TBC1D19: variants seen among roughly 807,000 people sequenced by gnomAD.
TBC1D19 encodes TBC1 domain family member 19, also known as TBC1 domain family, member 19.
Under a neutral mutation model 89.0 loss-of-function variants are expected in TBC1D19, and 60 were observed. That is an observed-to-expected ratio of 0.67 (90% CI 0.55 to 0.84). The LOEUF (loss-of-function observed/expected upper bound fraction) is 0.84. Among genes scored for constraint, TBC1D19 ranks in the 40% least tolerant of loss-of-function variants. The pLI is 0.00. For missense variants in TBC1D19, 500 were observed against 610.8 expected (o/e 0.82, Z 1.91); for synonymous variants, 189 against 199.7 (o/e 0.95, Z 0.45).
the TBC1D19 span, among the ~76,000 whole-genome samples, chr4:26,806,848 A>G: frequency 6.6e-6 from 1 of 152,214 alleles, no homozygotes; most frequent in East Asian, 1.9e-4. Context: ...TAGTAACTGC[A>G]AGCTGAGGAA....
intron 18 of TBC1D19, among the ~76,000 whole-genome samples, chr4:26,746,227 G>A (rs964269319): frequency 4.2e-5 from 6 of 142,906 alleles, no homozygotes; most frequent in African/African-American, 1.5e-4. Flanking sequence ...GGTCCTTGCA[G>A]GTCTATTTTT....
chr4:26,719,802 C>G (rs982031237), intron 14 of TBC1D19, among the ~76,000 whole-genome samples: 2 of 152,042 alleles, frequency 1.3e-5, no homozygotes, highest in Non-Finnish European at 2.9e-5. Context: ...ATAGATACTT[C>G]TCTTCTTAAG....
chr4:26,774,608 T>A, the TBC1D19 span, among the ~76,000 whole-genome samples: 3 of 152,216 alleles, frequency 2.0e-5, no homozygotes, highest in Non-Finnish European at 4.4e-5. Flanking sequence ...ATTGTTATAC[T>A]ATATAGAAAT....
At chr4:26,683,413 CT>C (rs1411418537) in intron 11 of TBC1D19, among the ~76,000 whole-genome samples, 2 of 152,134 alleles carry the variant, frequency 1.3e-5, no homozygotes, top group African/African-American at 4.8e-5. Context: ...TTAATAAATA[CT>C]GTATTTGCTA....
the TBC1D19 span, among the ~76,000 whole-genome samples, chr4:26,778,078 G>A: frequency 6.7e-6 from 1 of 149,178 alleles, no homozygotes; most frequent in Non-Finnish European, 1.5e-5. Flanking sequence ...GAGGGGAAGG[G>A]AGGGGAGGGA....
chr4:26,618,893 A>G (rs1375679575), intron 3 of TBC1D19, among the ~76,000 whole-genome samples: 1 of 152,174 alleles, frequency 6.6e-6, no homozygotes, highest in Non-Finnish European at 1.5e-5. Flanking sequence ...ACAAGAAAAA[A>G]TAGAGTCAAG....
At chr4:26,580,075 A>G (rs575540816), upstream of TBC1D19, among the ~76,000 whole-genome samples, 19 of 152,184 alleles carry the variant, frequency 1.2e-4, no homozygotes, top group Non-Finnish European at 2.5e-4. Flanking sequence ...TCCCTTTTGC[A>G]TAGAGTCAAC....
At position 26,640,172 on chromosome 4, in the gene TBC1D19, T is replaced by A. The variant is rs1743402578; in HGVS notation, c.465T>A (p.Pro155=). The A allele has an allele frequency of 6.2e-7, 1 of 1,609,342 alleles. No individual in the cohort carries two copies. The highest frequency in any genetic ancestry group is 1.3e-5 in the African/African-American group (1 of 74,802). ...GCCTTTTCAGACCTGTTTATGCACCTAAGGATTTTCTTGAGGTAGGTTCTA... is the reference window on the plus strand; with the variant it reads ...GCCTTTTCAGACCTGTTTATGCACCAAAGGATTTTCTTGAGGTAGGTTCTA... ...DLSLFRPVYA[P]KDFLEVLINL... is the part of the protein sequence containing the mutation. The change falls in exon 7 of 21, where the codon CCT becomes CCA. Residue 155 remains proline, a synonymous_variant. Coordinates refer to ENST00000264866, the MANE Select transcript of TBC1D19 (RefSeq NM_018317.4).
the TBC1D19 span, among the ~76,000 whole-genome samples, chr4:26,797,746 C>T: frequency 6.6e-6 from 1 of 152,078 alleles, no homozygotes; most frequent in Non-Finnish European, 1.5e-5. Context: ...AGCCACATAC[C>T]TACATGTAAC....
chr4:26,677,166 C>T (rs543230734), intron 11 of TBC1D19, among the ~76,000 whole-genome samples: 17 of 152,208 alleles, frequency 1.1e-4, no homozygotes, highest in African/African-American at 3.4e-4. Context: ...TTGTATTACT[C>T]GATAATTATA....
Position 26,598,461 on chromosome 4 carries a change from C to G in TBC1D19, c.99+14169C>G, listed in dbSNP as rs567869947. Among the ~76,000 whole-genome samples, 3 of 152,264 alleles carry G rather than the reference C, an allele frequency of 2.0e-5. No homozygotes were observed. The East Asian group carries it at 5.8e-4, about 29-fold the overall frequency. On this transcript the variant is annotated intron_variant, in intron 1 of 20. Transcript: ENST00000264866. ...CCAGACTGGAGTGCAGAGGCACGAC[C>G]TTGGCTCACTGCAAGCTCCGCCTCC...
chr4:26,721,155 A>G (rs1418653555), intron 15 of TBC1D19, among the ~76,000 whole-genome samples: 1 of 151,908 alleles, frequency 6.6e-6, no homozygotes, highest in Non-Finnish European at 1.5e-5. Context: ...GATTCTATCT[A>G]TTGTTAATTA....
the TBC1D19 span, among the ~76,000 whole-genome samples, chr4:26,813,666 T>C: frequency 1.3e-5 from 2 of 152,208 alleles, no homozygotes; most frequent in Admixed American, 1.3e-4. Flanking sequence ...TATGTTTAAC[T>C]GAATTTTGTG....
chr4:26,756,935 C>T (rs776748520), downstream of TBC1D19, among the ~76,000 whole-genome samples: 15 of 152,144 alleles, frequency 9.9e-5, no homozygotes, highest in African/African-American at 1.7e-4. Context: ...TTGCTGCTTC[C>T]GCAGACCCCT....
At chr4:26,743,190 C>T (rs1408599542) in intron 18 of TBC1D19, among the ~76,000 whole-genome samples, 1 of 152,038 alleles carries the variant, frequency 6.6e-6, no homozygotes, top group Admixed American at 6.5e-5. Flanking sequence ...ATGTCTAAAG[C>T]AAGAGAACTT....
At chr4:26,723,392 G>A (rs1264288796) in intron 15 of TBC1D19, among the ~76,000 whole-genome samples, 1 of 152,112 alleles carries the variant, frequency 6.6e-6, no homozygotes, top group Admixed American at 6.6e-5. Context: ...CACCAAAACT[G>A]TTGTGGCTTT....
At chr4:26,725,082 A>C (rs1577988254) in intron 15 of TBC1D19, among the ~76,000 whole-genome samples, 1 of 152,270 alleles carries the variant, frequency 6.6e-6, no homozygotes, top group East Asian at 1.9e-4. Context: ...ACACAACCAC[A>C]ATATTTTGAT....
intron 19 of TBC1D19, among the ~76,000 whole-genome samples, chr4:26,750,616 C>G (rs930717461): frequency 5.9e-5 from 9 of 151,996 alleles, no homozygotes; most frequent in African/African-American, 2.2e-4. Flanking sequence ...TCTATGAGCT[C>G]AATAATTAAT....
chr4:26,782,674 A>G, the TBC1D19 span, among the ~76,000 whole-genome samples: 1 of 152,300 alleles, frequency 6.6e-6, no homozygotes, highest in East Asian at 1.9e-4. Flanking sequence ...CAGTGTTTCT[A>G]GTGACTAATC....
Sources: gnomAD v4.1 joint callset for allele counts (sites outside exome capture counted in the v4.1 genomes callset) on GRCh38, gnomAD v4.1.1 for gene constraint, MANE v1.5 for transcripts, NCBI Gene and HGNC (gene_info 2026-07-23, HGNC 2026-07-21) for gene names.